Variants in TMEM170B observed in about 807,000 individuals in gnomAD.
TMEM170B encodes transmembrane protein 170B.
TMEM170B carries 6 observed loss-of-function variants against 13.0 expected under a neutral mutation model. The ratio of observed to expected loss-of-function variants is 0.46; its 90% CI spans 0.25 to 0.91. The LOEUF (loss-of-function observed/expected upper bound fraction) is 0.91. Among genes scored for constraint, TMEM170B ranks in the 40% least tolerant of loss-of-function variants. The probability of loss-of-function intolerance (pLI) is 0.17; values close to 1 mark genes in which losing one functional copy is unlikely to be tolerated. For synonymous variants in TMEM170B, 61 were observed against 64.9 expected (o/e 0.94, Z 0.29); for missense variants, 138 against 165.2 (o/e 0.84, Z 0.90).
chr6:11,538,337 C>A lies in TMEM170B; in HGVS notation c.60C>A (p.Ser20Arg). The change falls in exon 1 of 3, where the codon AGC becomes AGA. Residue 20 changes from serine (S) to arginine (R), a missense_variant. Transcript: ENST00000379426. ...MINLSVQQVL[S>R]LWAHGTVLRN... ...ACCTGTCGGTGCAGCAGGTCCTGAG[C>A]CTCTGGGCCCACGGGACGGTGCTGA... 1 of 1,509,258 alleles carries A rather than the reference C, an allele frequency of 6.6e-7. No homozygotes were observed. Among genetic ancestry groups the A allele is most frequent in the Non-Finnish European group, 8.8e-7 (1 of 1,133,372 alleles). 93.5% of individuals were successfully genotyped at this position (1,509,258 alleles called of 1,614,324 possible).
intron 1 of TMEM170B, among the ~76,000 whole-genome samples, chr6:11,539,044 C>T (rs1249824883): frequency 2.6e-5 from 4 of 152,148 alleles, no homozygotes; most frequent in Non-Finnish European, 5.9e-5. Flanking sequence ...TTGTGTATTT[C>T]CCTTCATTTA....
intron 1 of TMEM170B, 89 bp downstream of exon 1, chr6:11,538,463 C>T: frequency 9.9e-7 from 1 of 1,006,240 alleles, no homozygotes; most frequent in Non-Finnish European, 1.4e-6. Context: ...CTCCTCGCCG[C>T]CCCACCCCCG....
At position 11,582,379 on chromosome 6, in the gene TMEM170B, T is replaced by A. The variant is rs763644971; in HGVS notation, c.*6818T>A. ...AAGATTCAGGATTGGCACCAGTGAG[T>A]TGGCTAGATACACATCACCAGTGAC... is the stretch of plus-strand genomic sequence containing the variant. On this transcript the variant is annotated 3_prime_UTR_variant, in exon 3 of 3. Coordinates refer to ENST00000379426, the MANE Select transcript of TMEM170B (RefSeq NM_001100829.3). The A allele has an allele frequency of 1.3e-5, 2 of 152,104 alleles. No individual in the cohort carries two copies. Among genetic ancestry groups the A allele is most frequent in the Non-Finnish European group, 2.9e-5 (2 of 67,992 alleles). The allele number at this position is 152,104 out of a possible 1,614,324, so 9.4% of individuals were successfully genotyped here. A position where few individuals can be genotyped will look rare whatever the true frequency, so the allele number is the denominator to read the frequency against.
At chr6:11,558,311 A>G (rs1316647211) in intron 1 of TMEM170B, among the ~76,000 whole-genome samples, 1 of 152,186 alleles carries the variant, frequency 6.6e-6, no homozygotes, top group Non-Finnish European at 1.5e-5. Flanking sequence ...ATACCACTGT[A>G]ATTTACAGCC....
At position 11,538,338 on chromosome 6, in the gene TMEM170B, C is replaced by G. The variant is rs368677512; in HGVS notation, c.61C>G (p.Leu21Val). Residue 21 changes from leucine to valine, a missense_variant, in exon 1 of 3, where the codon CTC becomes GTC. By Grantham distance (32) the Leu-to-Val change is conservative. Transcript: ENST00000379426. ...CCTGTCGGTGCAGCAGGTCCTGAGC[C>G]TCTGGGCCCACGGGACGGTGCTGAG... ...INLSVQQVLSLWAHGTVLRNL... is the reference protein window; with the variant it reads ...INLSVQQVLSVWAHGTVLRNL... 2.0e-6 allele frequency: 3 copies of G among 1,509,936 alleles called. No individual in the cohort carries two copies. In the African/African-American group the frequency reaches 4.3e-5, roughly 22 times the overall value. The allele number at this position is 1,509,936 out of a possible 1,614,324, so 93.5% of individuals were successfully genotyped here.
intron 2 of TMEM170B, among the ~76,000 whole-genome samples, chr6:11,572,844 A>ACTACTAGT (rs1471409002): frequency 2.0e-5 from 3 of 152,120 alleles, no homozygotes; most frequent in Non-Finnish European, 4.4e-5. Flanking sequence ...AGTAGAGAAT[A>ACTACTAGT]TGTATTGTTT....
rs1759305370 is a variant in TMEM170B at position 11,538,117 on chromosome 6, C to G, written c.-161C>G. On this transcript the variant is annotated 5_prime_UTR_variant, in exon 1 of 3. Coordinates refer to ENST00000379426, the MANE Select transcript of TMEM170B (RefSeq NM_001100829.3). ...CGCTGAGCGGCCCCCCCACGGAGGC[C>G]CTCCGGCTGCAGCAGCAGCAGCGCC... Among the ~76,000 whole-genome samples, 1 of 151,022 alleles carries G rather than the reference C, an allele frequency of 6.6e-6. No individual in the cohort carries two copies. The highest frequency in any genetic ancestry group is 6.6e-5 in the Admixed American group (1 of 15,214).
chr6:11,545,312 A>G lies in TMEM170B; in HGVS notation c.97+6938A>G, dbSNP rs959045429. The stretch of plus-strand genomic sequence containing the variant: ...TGTGTGTGTGTGTGTGTGTGTGTGT[A>G]GTACTAGTAGTAAGTAGTAGTAGTA... On this transcript the variant is annotated intron_variant, in intron 1 of 2. Coordinates refer to ENST00000379426, the MANE Select transcript of TMEM170B (RefSeq NM_001100829.3). Among the ~76,000 whole-genome samples the G allele has an allele frequency of 8.5e-4, 69 of 80,988 alleles. 1 individual carries two copies. Among genetic ancestry groups the G allele is most frequent in the African/African-American group, 2.7e-3 (67 of 24,714 alleles). The allele number at this position is 80,988 out of a possible 152,430, so 53.1% of individuals were successfully genotyped here.
intron 1 of TMEM170B, among the ~76,000 whole-genome samples, chr6:11,558,920 TCAGC>T (rs1284084865): frequency 6.6e-6 from 1 of 152,246 alleles, no homozygotes; most frequent in African/African-American, 2.4e-5. Flanking sequence ...AGCCCAGAAG[TCAGC>T]AGACATTTTC....
chr6:11,544,690 G>A (rs1759407499), intron 1 of TMEM170B, among the ~76,000 whole-genome samples: 1 of 152,152 alleles, frequency 6.6e-6, no homozygotes, highest in East Asian at 1.9e-4. Flanking sequence ...CCCCGTATCT[G>A]TCACTTAATA....
In TMEM170B at chr6:11,542,237, A is replaced by C. The variant is rs140732895; in HGVS notation, c.97+3863A>C. On this transcript the variant is annotated intron_variant, in intron 1 of 2. Transcript: ENST00000379426. The stretch of plus-strand genomic sequence containing the variant: ...TTAGCTCATCAAAGGGTTTTTAGAG[A>C]AAGTTAGCTTTGGGAGCCATAGAGT... Among the ~76,000 whole-genome samples the C allele has an allele frequency of 1.1e-3, 172 of 152,320 alleles. 3 individuals are homozygous for C. In the East Asian group the frequency reaches 0.026, roughly 23 times the overall value.
chr6:11,557,207 T>G (rs1759602170), intron 1 of TMEM170B, among the ~76,000 whole-genome samples: 1 of 152,342 alleles, frequency 6.6e-6, no homozygotes, highest in Non-Finnish European at 1.5e-5. Flanking sequence ...ACCTCACTAA[T>G]GAGCTAAGGA....
rs1210551633 is a variant in TMEM170B at position 11,545,280 on chromosome 6, C to CTGTGTGTGTGTGTGTGTGTGTGTG, written c.97+6914_97+6937dup. On this transcript the variant is annotated intron_variant, in intron 1 of 2. Transcript: ENST00000379426. ...TTAAAAGGCTTCTCTCTCTCTCTCT[C>CTGTGTGTGTGTGTGTGTGTGTGTG]TGTGTGTGTGTGTGTGTGTGTGTGT... 1.7e-3 allele frequency among the ~76,000 whole-genome samples: 236 copies of CTGTGTGTGTGTGTGTGTGTGTGTG among 139,792 alleles called. 5 individuals are homozygous for CTGTGTGTGTGTGTGTGTGTGTGTG. Among genetic ancestry groups the CTGTGTGTGTGTGTGTGTGTGTGTG allele is most frequent in the East Asian group, 8.8e-3 (42 of 4,766 alleles). 91.7% of individuals were successfully genotyped at this position (139,792 alleles called of 152,430 possible).
At chr6:11,572,164 G>A (rs774939350) in intron 2 of TMEM170B, among the ~76,000 whole-genome samples, 6 of 152,146 alleles carry the variant, frequency 3.9e-5, no homozygotes, top group African/African-American at 1.2e-4. Flanking sequence ...GGTTTTACCC[G>A]TGGGTCATGG....
intron 1 of TMEM170B, among the ~76,000 whole-genome samples, chr6:11,564,768 C>A (rs1201192295): frequency 6.6e-6 from 1 of 152,148 alleles, no homozygotes; most frequent in Non-Finnish European, 1.5e-5. Flanking sequence ...GATGAAGTAG[C>A]TTCACAAATC....
chr6:11,563,428 C>T lies in TMEM170B; in HGVS notation c.98-2238C>T, dbSNP rs998569933. ...GTTCTCTAGGATACCAACTGGGTGTCCTACAGTTCAGTTCAGTTCTGACAT... is the reference window on the plus strand; with the variant it reads ...GTTCTCTAGGATACCAACTGGGTGTTCTACAGTTCAGTTCAGTTCTGACAT... On this transcript the variant is annotated intron_variant, in intron 1 of 2. Coordinates refer to ENST00000379426, the MANE Select transcript of TMEM170B (RefSeq NM_001100829.3). 2.0e-5 allele frequency among the ~76,000 whole-genome samples: 3 copies of T among 152,132 alleles called. No homozygotes were observed. In the East Asian group the frequency reaches 5.8e-4, roughly 29 times the overall value.
In TMEM170B at chr6:11,578,442, C is replaced by G. The variant is rs1759907983; in HGVS notation, c.*2881C>G. 1 of 152,100 alleles carries G rather than the reference C, an allele frequency of 6.6e-6. No homozygotes were observed. The highest frequency in any genetic ancestry group is 2.1e-4 in the South Asian group (1 of 4,828). The allele number at this position is 152,100 out of a possible 1,614,324, so 9.4% of individuals were successfully genotyped here. A position where few individuals can be genotyped will look rare whatever the true frequency, so the allele number is the denominator to read the frequency against. ...AAGAAGGAACTCCTACATGCCCAAA[C>G]TAATTACAGTTGAACATACTGATTA... On this transcript the variant is annotated 3_prime_UTR_variant, in exon 3 of 3. Transcript: ENST00000379426.
intron 1 of TMEM170B, among the ~76,000 whole-genome samples, chr6:11,549,612 G>A (rs1056291956): frequency 2.0e-5 from 3 of 151,596 alleles, no homozygotes; most frequent in African/African-American, 7.3e-5. Context: ...GCAGCGAGCC[G>A]AGATGGCGCC....
At chr6:11,565,524 T>C in intron 1 of TMEM170B, 142 bp from the exon 2 acceptor site, 2 of 748,062 alleles carry the variant, frequency 2.7e-6, no homozygotes, top group Non-Finnish European at 4.5e-6. Context: ...TATTCAGTGC[T>C]ACTTGTGTCA....
Sources: gnomAD v4.1 joint callset for allele counts (sites outside exome capture counted in the v4.1 genomes callset) on GRCh38, gnomAD v4.1.1 for gene constraint, MANE v1.5 for transcripts, NCBI Gene and HGNC (gene_info 2026-07-23, HGNC 2026-07-21) for gene names.